Variants in ANKS1A observed in about 807,000 individuals in gnomAD.
ANKS1A encodes ankyrin repeat and sterile alpha motif domain containing 1A, also known as ankyrin repeat and SAM domain-containing protein 1A.
A neutral mutation model predicts 120.3 loss-of-function variants in ANKS1A; 55 were observed. The ratio of observed to expected loss-of-function variants is 0.46; its 90% CI spans 0.37 to 0.57. ANKS1A has a LOEUF of 0.57. Ranked by LOEUF, ANKS1A falls within the 20% of genes least tolerant of loss-of-function variation. The pLI, the probability that ANKS1A is intolerant of heterozygous loss-of-function variation, is 0.00. For synonymous variants in ANKS1A, 590 were observed against 604.7 expected, an observed-to-expected ratio of 0.98 and a Z score of 0.36; for missense variants, 1,123 against 1,480.3, an observed-to-expected ratio of 0.76 and a Z score of 3.96.
chr6:35,047,227 G>A (rs550382410), intron 11 of ANKS1A, among the ~76,000 whole-genome samples: 2 of 152,134 alleles, frequency 1.3e-5, no homozygotes, highest in South Asian at 4.2e-4. Flanking sequence ...TATATAATTT[G>A]GTACTCAGAA....
intron 9 of ANKS1A, among the ~76,000 whole-genome samples, chr6:34,992,357 A>T (rs923496212): frequency 6.6e-6 from 1 of 152,224 alleles, no homozygotes; most frequent in East Asian, 1.9e-4. Context: ...GCACAGAGTG[A>T]AAGCAGGTCC....
intron 10 of ANKS1A, among the ~76,000 whole-genome samples, chr6:35,007,581 T>G (rs923502664): frequency 2.0e-5 from 3 of 152,228 alleles, no homozygotes; most frequent in African/African-American, 7.2e-5. Context: ...TGGACAACTT[T>G]CCATGTTTGA....
At position 34,994,378 on chromosome 6, in the gene ANKS1A, C is replaced by G. The variant is rs780259794; in HGVS notation, c.1379C>G (p.Thr460Arg). ...EDEHPYELLL[T>R]AETKKVVLVD... Reference sequence around the variant, plus strand: ...GAACACCCTTATGAACTGTTGTTAACAGCAGAGACAAAGAAAGTGGTGTTG... The same window carrying G: ...GAACACCCTTATGAACTGTTGTTAAGAGCAGAGACAAAGAAAGTGGTGTTG... Residue 460 changes from threonine to arginine, a missense_variant, in exon 10 of 24, where the codon ACA becomes AGA. This residue lies in a region of ANKS1A where 904 missense variants were observed against 1,130.4 expected (regional missense o/e 0.80). Transcript: ENST00000360359. 15 of 1,613,420 alleles carry G rather than the reference C, an allele frequency of 9.3e-6. 1 individual carries two copies. In the South Asian group the frequency reaches 1.6e-4, roughly 18 times the overall value.
At chr6:35,063,000 C>A (rs1008224650) in intron 13 of ANKS1A, among the ~76,000 whole-genome samples, 2 of 152,224 alleles carry the variant, frequency 1.3e-5, no homozygotes, top group East Asian at 1.9e-4. Flanking sequence ...GCTCCAGGTG[C>A]CATGCCCTCT....
At chr6:35,036,256 C>G (rs1488810076) in intron 11 of ANKS1A, among the ~76,000 whole-genome samples, 2 of 152,234 alleles carry the variant, frequency 1.3e-5, no homozygotes, top group Non-Finnish European at 2.9e-5. Flanking sequence ...CCTGCCCTGT[C>G]ACAGTTGGCC....
intron 1 of ANKS1A, among the ~76,000 whole-genome samples, chr6:34,901,978 A>G (rs747895023): frequency 6.6e-6 from 1 of 152,256 alleles, no homozygotes; most frequent in Non-Finnish European, 1.5e-5. Context: ...CCTAACAGTA[A>G]TAGAATAGGC....
chr6:34,980,106 C>A (rs958678447), intron 3 of ANKS1A, among the ~76,000 whole-genome samples: 1 of 152,232 alleles, frequency 6.6e-6, no homozygotes, highest in Admixed American at 6.5e-5. Flanking sequence ...CCAGCATTTC[C>A]CCTTCCTCCA....
chr6:34,929,957 C>G (rs1768904934), intron 1 of ANKS1A, among the ~76,000 whole-genome samples: 1 of 152,006 alleles, frequency 6.6e-6, no homozygotes, highest in South Asian at 2.1e-4. Flanking sequence ...CCCTATAGTC[C>G]TGGCTTATTC....
chr6:34,985,715 A>G (rs1280341213), intron 8 of ANKS1A, among the ~76,000 whole-genome samples: 2 of 152,220 alleles, frequency 1.3e-5, no homozygotes, highest in Admixed American at 6.5e-5. Context: ...CTTGCCCTGA[A>G]AGGATTCTCC....
intron 11 of ANKS1A, among the ~76,000 whole-genome samples, chr6:35,042,465 TG>T (rs1441134020): frequency 6.6e-6 from 1 of 152,218 alleles, no homozygotes; most frequent in Admixed American, 6.5e-5. Flanking sequence ...CACTGGGTGT[TG>T]ACTGAGCCCA....
chr6:34,907,560 C>T (rs1222837378), intron 1 of ANKS1A, among the ~76,000 whole-genome samples: 3 of 152,128 alleles, frequency 2.0e-5, no homozygotes, highest in Non-Finnish European at 4.4e-5. Flanking sequence ...CCAAGCAGTT[C>T]CAACCTGCAT....
In ANKS1A at chr6:35,060,173, G is replaced by A. The variant is rs780968399; in HGVS notation, c.2104G>A (p.Gly702Arg). 38 of 1,613,518 alleles carry A rather than the reference G, an allele frequency of 2.4e-5. No homozygotes were observed. The highest frequency in any genetic ancestry group is 1.7e-4 in the Middle Eastern group (1 of 5,980). ...TTTACGGACGCTGGAGCAGAGTGTC[G>A]GGGAGTGGCTGGAGTCGATTGGGCT... is the stretch of plus-strand genomic sequence containing the variant. ...SGLRTLEQSV[G>R]EWLESIGLQQ... Residue 702 changes from glycine (G) to arginine (R), a missense_variant, in exon 13 of 24, where the codon GGG (glycine) becomes AGG (arginine). Physicochemically the swap from Gly to Arg is moderately radical, Grantham distance 125. Around this residue, in one of 3 missense-constraint regions of ANKS1A, gnomAD observed 904 missense variants for 1,130.4 expected, o/e 0.80. Transcript: ENST00000360359. This position sits in a 1 kb window ranked among gnomAD's most constrained non-coding sequence, Gnocchi z 4.5.
chr6:34,929,566 A>G (rs1768875737), intron 1 of ANKS1A, among the ~76,000 whole-genome samples: 1 of 152,200 alleles, frequency 6.6e-6, no homozygotes, highest in South Asian at 2.1e-4. Flanking sequence ...AATACTTAGC[A>G]ATCTGCCACT....
intron 8 of ANKS1A, among the ~76,000 whole-genome samples, chr6:34,986,052 C>G (rs1434592967): frequency 6.6e-6 from 1 of 152,194 alleles, no homozygotes; most frequent in Non-Finnish European, 1.5e-5. Flanking sequence ...TAAATGTGCT[C>G]AGAATATTGC....
intron 12 of ANKS1A, among the ~76,000 whole-genome samples, chr6:35,055,801 G>A (rs1776196138): frequency 6.6e-6 from 1 of 152,224 alleles, no homozygotes; most frequent in Non-Finnish European, 1.5e-5. Context: ...GCTGAGCTGA[G>A]CTTGGTCCGT....
At chr6:34,976,808 ATTG>A (rs1771623754) in intron 3 of ANKS1A, among the ~76,000 whole-genome samples, 2 of 151,374 alleles carry the variant, frequency 1.3e-5, no homozygotes, top group Non-Finnish European at 2.9e-5. Context: ...GTATGCAATA[ATTG>A]TTGTCACTGA....
At chr6:34,912,373 G>C (rs1767947126) in intron 1 of ANKS1A, among the ~76,000 whole-genome samples, 1 of 152,116 alleles carries the variant, frequency 6.6e-6, no homozygotes, top group African/African-American at 2.4e-5. Flanking sequence ...ACCAAGTCTA[G>C]GTTTTCTCCC....
rs1011218866 is a variant in ANKS1A at position 35,090,736 on chromosome 6, C to T, written c.*2127C>T. The T allele has an allele frequency of 8.1e-6, 8 of 987,340 alleles. No homozygotes were observed. The highest frequency in any genetic ancestry group is 5.2e-5 in the African/African-American group (3 of 57,252). The allele number at this position is 987,340 out of a possible 1,614,324, so 61.2% of individuals were successfully genotyped here. On this transcript the variant is annotated 3_prime_UTR_variant, in exon 24 of 24. Transcript: ENST00000360359. ...TGGGAAGGCCCCTACTTTTGCACTT[C>T]TCCAAGTGCAGGTCACACCAGGGGC... is the stretch of plus-strand genomic sequence containing the variant.
chr6:34,897,274 G>A (rs1257975186), intron 1 of ANKS1A, among the ~76,000 whole-genome samples: 8 of 152,084 alleles, frequency 5.3e-5, no homozygotes, highest in Non-Finnish European at 1.2e-4. Context: ...GCATGTTCAC[G>A]GGTCATAGGA....
Sources: gnomAD v4.1 joint callset for allele counts (sites outside exome capture counted in the v4.1 genomes callset) on GRCh38, gnomAD v4.1.1 for gene constraint, gnomAD v4.1.1 regional missense constraint, Gnocchi (gnomAD v3.1) non-coding constraint, MANE v1.5 for transcripts, NCBI Gene and HGNC (gene_info 2026-07-23, HGNC 2026-07-21) for gene names.